XKRX: variants seen among roughly 807,000 people sequenced by gnomAD.
XKRX encodes XK related X-linked, also known as XK-related protein 2.
A neutral mutation model predicts 22.4 loss-of-function variants in XKRX; 11 were observed. The observed-to-expected ratio is 0.49, with a 90% CI of 0.31 to 0.81. The LOEUF (loss-of-function observed/expected upper bound fraction) is 0.81. Among genes scored for constraint, XKRX ranks in the 40% least tolerant of loss-of-function variants. XKRX has a pLI of 0.05. For missense variants in XKRX, 320 were observed against 336.5 expected, an observed-to-expected ratio of 0.95 and a Z score of 0.38; for synonymous variants, 114 against 132.2, an observed-to-expected ratio of 0.86 and a Z score of 0.94.
downstream of XKRX, chrX:100,911,522 A>G (rs2085407105): frequency 1.6e-6 from 1 of 632,362 alleles, no homozygotes; most frequent in Non-Finnish European, 2.7e-6. Flanking sequence ...ATTGAGGACT[A>G]CAAACCAATT....
At chrX:100,903,274 G>A in the XKRX span, among the ~76,000 whole-genome samples, 3 of 111,766 alleles carry the variant, frequency 2.7e-5, no homozygotes, top group African/African-American at 9.7e-5. Context: ...TATATGGATT[G>A]GGAAGAAAGA....
chrX:100,917,723 A>AAAGAAATC (rs1244436845), intron 2 of XKRX, among the ~76,000 whole-genome samples: 3 of 81,447 alleles, frequency 3.7e-5, no homozygotes, highest in Admixed American at 1.3e-4. Flanking sequence ...AGAAAGAAAG[A>AAAGAAATC]AATCCTTGGT....
At chrX:100,947,051 G>A in the XKRX span, among the ~76,000 whole-genome samples, 2 of 111,893 alleles carry the variant, frequency 1.8e-5, no homozygotes, top group East Asian at 2.8e-4. Flanking sequence ...AATTTATCAC[G>A]AAATGGGGAT....
the XKRX span, chrX:100,888,287 A>G: frequency 1.3e-5 from 9 of 701,165 alleles, no homozygotes; most frequent in Admixed American, 6.7e-5. Context: ...TTTCACAGTT[A>G]AGTGGGCACC....
chrX:100,900,945 A>G, the XKRX span, among the ~76,000 whole-genome samples: 1 of 107,831 alleles, frequency 9.3e-6, no homozygotes, highest in Non-Finnish European at 1.9e-5. Context: ...GCCCACCACC[A>G]CGCCTGGCTA....
chrX:100,895,774 A>G, the XKRX span, among the ~76,000 whole-genome samples: 2 of 111,849 alleles, frequency 1.8e-5, no homozygotes, highest in Non-Finnish European at 3.8e-5. Flanking sequence ...ACTGGGGTAT[A>G]CCCTCCAGAC....
the XKRX span, among the ~76,000 whole-genome samples, chrX:100,907,810 C>T: frequency 1.8e-5 from 2 of 111,848 alleles, no homozygotes; most frequent in Admixed American, 9.5e-5. Flanking sequence ...CAATATCTTA[C>T]ACTCATACCA....
At chrX:100,949,473 C>T in the XKRX span, among the ~76,000 whole-genome samples, 1 of 105,727 alleles carries the variant, frequency 9.5e-6, no homozygotes, top group African/African-American at 3.4e-5. Context: ...TCAAGTGATT[C>T]TCCTGCCTCA....
the XKRX span, among the ~76,000 whole-genome samples, chrX:100,947,707 A>T: frequency 3.6e-5 from 4 of 111,733 alleles, no homozygotes; most frequent in Non-Finnish European, 7.5e-5. Flanking sequence ...CATTTGAAAA[A>T]CAGTCTTCTA....
In XKRX at chrX:100,928,188, G is replaced by T; in HGVS notation, c.117C>A (p.Phe39Leu). ...CCTCCCCACAGTACAAAAAGGTGGA[G>T]AAAAGGATGCTAAATGGAAAAGTAA... is the stretch of plus-strand genomic sequence containing the variant. ...PRFTFPFSIL[F>L]STFLYCGEAA... The change falls in exon 1 of 3, where the codon TTC (phenylalanine) becomes TTA (leucine). Residue 39 changes from phenylalanine to leucine, a missense_variant. Transcript: ENST00000372956. The T allele has an allele frequency of 2.5e-6, 3 of 1,212,082 alleles. No homozygotes were observed. Among genetic ancestry groups the T allele is most frequent in the Non-Finnish European group, 3.3e-6 (3 of 895,626 alleles).
At chrX:100,928,950 A>G, upstream of XKRX, 1 of 550,780 alleles carries the variant, frequency 1.8e-6, no homozygotes. Flanking sequence ...AGCTCCTCGG[A>G]TTCCCCCAAG....
upstream of XKRX, among the ~76,000 whole-genome samples, chrX:100,934,323 G>C (rs1250257244): frequency 8.9e-6 from 1 of 111,732 alleles, no homozygotes. Context: ...CAATTTAGGG[G>C]ACTGGCAGGT....
In XKRX at chrX:100,914,357, G is replaced by T; in HGVS notation, c.1331C>A (p.Ala444Glu). The change falls in exon 3 of 3, where the codon GCA becomes GAA. Residue 444 changes from alanine to glutamate, a missense_variant. Physicochemically the swap from Ala to Glu is moderately radical, Grantham distance 107. Coordinates refer to ENST00000372956, the MANE Select transcript of XKRX (RefSeq NM_212559.3). ...ATAGAATCAGACAACACTTTGCCTT[G>T]CTTCAGTCTCAAAGGGTGGCTCTGA... The part of the protein sequence containing the change: ...ENSEPPFETE[A>E]RQSVV The T allele has an allele frequency of 5.8e-6, 7 of 1,210,373 alleles. No homozygotes were observed. The highest frequency in any genetic ancestry group is 7.8e-6 in the Non-Finnish European group (7 of 894,620).
In XKRX at chrX:100,914,516, T is replaced by G. The variant is rs2085422064; in HGVS notation, c.1172A>C (p.Tyr391Ser). The G allele has an allele frequency of 8.3e-7, 1 of 1,210,186 alleles. No homozygotes were observed. Among genetic ancestry groups the G allele is most frequent in the African/African-American group, 1.7e-5 (1 of 57,268 alleles). The change falls in exon 3 of 3, where the codon TAT (tyrosine) becomes TCT (serine). Residue 391 changes from tyrosine (Y) to serine (S), a missense_variant. Physicochemically the swap from Tyr to Ser is moderately radical, Grantham distance 144. Coordinates refer to ENST00000372956, the MANE Select transcript of XKRX (RefSeq NM_212559.3). ...SLIALQLIIA[Y>S]LISIGFMLLF... ...GAGCATGAAGCCAATGGAAATCAGATAAGCAATAATGAGCTGCAAGGCAAT... is the reference window on the plus strand; with the variant it reads ...GAGCATGAAGCCAATGGAAATCAGAGAAGCAATAATGAGCTGCAAGGCAAT...
chrX:100,887,761 C>T, the XKRX span: 5 of 806,237 alleles, frequency 6.2e-6, no homozygotes, highest in Non-Finnish European at 9.3e-6. Flanking sequence ...CCCAAAGTTT[C>T]CTCCCTTCAC....
At position 100,928,534 on chromosome X, in the gene XKRX, C is replaced by T. The variant is rs2085508330; in HGVS notation, c.-230G>A. On this transcript the variant is annotated 5_prime_UTR_variant, in exon 1 of 3. Coordinates refer to ENST00000372956, the MANE Select transcript of XKRX (RefSeq NM_212559.3). ...CAGGAGTACCACTTTGAACTTGACT[C>T]TTGATTGGCCCCGATTCCAATCGTC... 4.9e-6 allele frequency: 5 copies of T among 1,018,702 alleles called. No individual in the cohort carries two copies. In the East Asian group the frequency reaches 1.8e-4, roughly 37 times the overall value. The allele number at this position is 1,018,702 out of a possible 1,213,427, so 84.0% of individuals were successfully genotyped here.
chrX:100,901,204 T>C, the XKRX span, among the ~76,000 whole-genome samples: 1 of 111,412 alleles, frequency 9.0e-6, no homozygotes, highest in Admixed American at 9.6e-5. Flanking sequence ...ATATCATGTG[T>C]CATAAGTGTA....
chrX:100,942,383 T>C, the XKRX span, among the ~76,000 whole-genome samples: 3 of 109,598 alleles, frequency 2.7e-5, no homozygotes. Flanking sequence ...ATTTTCCTCC[T>C]TTTTGCCTGC....
At chrX:100,926,321 C>T (rs926684320) in intron 1 of XKRX, among the ~76,000 whole-genome samples, 1 of 111,651 alleles carries the variant, frequency 9.0e-6, no homozygotes, top group Admixed American at 9.6e-5. Context: ...AGGGGGAAGA[C>T]TAGACTCCAA....
Sources: allele counts gnomAD v4.1 joint callset (sites outside exome capture counted in the v4.1 genomes callset), GRCh38; gene constraint gnomAD v4.1.1; transcripts MANE v1.5; gene names NCBI Gene and HGNC (gene_info 2026-07-23, HGNC 2026-07-21).